Variants in TMF1 observed in about 807,000 individuals in gnomAD.
TMF1 encodes the protein TATA element modulatory factor.
TMF1 carries 71 observed loss-of-function variants against 126.5 expected under a neutral mutation model. The ratio of observed to expected loss-of-function variants is 0.56; its 90% CI spans 0.46 to 0.68. The LOEUF (loss-of-function observed/expected upper bound fraction) is 0.68, where lower values mean the gene tolerates loss of function less well. Ranked by LOEUF, TMF1 falls within the 30% of genes least tolerant of loss-of-function variation. The pLI, the probability that TMF1 is intolerant of heterozygous loss-of-function variation, is 0.00. For missense variants in TMF1, 1,259 were observed against 1,253.2 expected, an observed-to-expected ratio of 1.00 and a Z score of -0.07; for synonymous variants, 461 against 430.5, an observed-to-expected ratio of 1.07 and a Z score of -0.88.
Position 69,038,683 on chromosome 3 carries a change from C to A in TMF1, c.2032G>T (p.Asp678Tyr). The A allele has an allele frequency of 1.9e-6, 3 of 1,613,928 alleles. No homozygotes were observed. In the South Asian group the frequency reaches 3.3e-5, roughly 18 times the overall value. The change falls in exon 8 of 17, where the codon GAT becomes TAT. Residue 678 changes from aspartate to tyrosine, a missense_variant. Asp to Tyr is a radical substitution (Grantham distance 160, BLOSUM62 -3). Transcript: ENST00000398559. The part of the protein sequence containing the change: ...TDLHKANAAK[D>Y]SEAQEAALSR... The stretch of plus-strand genomic sequence containing the variant: ...AGAGCAGCTTCCTGTGCCTCACTAT[C>A]CTTTGCAGCATTGGCTTTGTGAAGA...
intron 6 of TMF1, 23 bp downstream of exon 6, chr3:69,039,528 A>G: frequency 6.2e-7 from 1 of 1,603,564 alleles, no homozygotes; most frequent in Non-Finnish European, 8.5e-7. Context: ...ATATATATGT[A>G]GAGAATTATG....
In TMF1 at chr3:69,021,647, T is replaced by C. The variant is rs1017516959; in HGVS notation, c.*1530A>G. On this transcript the variant is annotated 3_prime_UTR_variant, in exon 17 of 17. Coordinates refer to ENST00000398559, the MANE Select transcript of TMF1 (RefSeq NM_007114.3). ...TACTTGTATCTATATTCTGAAGTAC[T>C]AGTGTTTTAATTTTAACTAAAAATT... is the stretch of plus-strand genomic sequence containing the variant. 4 of 151,970 alleles carry C rather than the reference T, an allele frequency of 2.6e-5. No individual in the cohort carries two copies. The highest frequency in any genetic ancestry group is 5.9e-5 in the Non-Finnish European group (4 of 67,988). 9.4% of individuals were successfully genotyped at this position (151,970 alleles called of 1,614,324 possible).
chr3:69,028,169 T>C, intron 12 of TMF1, 57 bp downstream of exon 12: 1 of 1,462,266 alleles, frequency 6.8e-7, no homozygotes, highest in Non-Finnish European at 9.5e-7. Flanking sequence ...TTTGCTGCCA[T>C]CCCCAACCAT....
At chr3:69,026,118 C>A in intron 13 of TMF1, 21 bp from the exon 14 acceptor site, 1 of 1,536,248 alleles carries the variant, frequency 6.5e-7, no homozygotes, top group Non-Finnish European at 9.0e-7. Context: ...AAAAAAAATT[C>A]TGTTCATATT....
chr3:69,033,517 C>T (rs1473788919), intron 10 of TMF1, 31 bp downstream of exon 10: 1 of 1,593,950 alleles, frequency 6.3e-7, no homozygotes, highest in Non-Finnish European at 8.5e-7. Flanking sequence ...GGAAGAGCTT[C>T]TGCATCGAGC....
chr3:69,048,048 T>C lies in TMF1; in HGVS notation c.657A>G (p.Thr219=), dbSNP rs779497960. 4 of 1,614,124 alleles carry C rather than the reference T, an allele frequency of 2.5e-6. No homozygotes were observed. The highest frequency in any genetic ancestry group is 2.2e-5 in the South Asian group (2 of 91,090). Residue 219 remains threonine (T), a synonymous_variant, in exon 2 of 17, where the codon ACA becomes ACG. Coordinates refer to ENST00000398559, the MANE Select transcript of TMF1 (RefSeq NM_007114.3). ...CCAAAGCTATGTCCTTTGTTTCTGC[T>C]GTGAGAGACTGCGTAGACGTATTAG... ...SISNTSTQSL[T]AETKDIALEP...
At chr3:69,036,453 T>C (rs1350746138) in intron 8 of TMF1, among the ~76,000 whole-genome samples, 15 of 152,270 alleles carry the variant, frequency 9.9e-5, no homozygotes, top group Admixed American at 2.0e-4. Flanking sequence ...CTGTCATTTA[T>C]GTAAAAAGGA....
intron 6 of TMF1, 34 bp downstream of exon 6, chr3:69,039,517 A>G: frequency 6.3e-7 from 1 of 1,596,084 alleles, no homozygotes; most frequent in Non-Finnish European, 8.5e-7. Flanking sequence ...AAGTAATAAC[A>G]ATATATATGT....
At chr3:69,026,280 AT>A (rs2091766854) in intron 13 of TMF1, among the ~76,000 whole-genome samples, 183 bp from the exon 14 acceptor site, 1 of 152,216 alleles carries the variant, frequency 6.6e-6, no homozygotes, top group African/African-American at 2.4e-5. Flanking sequence ...TAATTTCCCC[AT>A]AAAATGGCTT....
intron 9 of TMF1, among the ~76,000 whole-genome samples, chr3:69,034,551 G>C (rs1408655449): frequency 1.3e-5 from 2 of 152,126 alleles, no homozygotes; most frequent in Non-Finnish European, 2.9e-5. Flanking sequence ...ATTACCTGAA[G>C]GTTAAAAAAG....
chr3:69,028,488 G>A (rs887801809), intron 11 of TMF1, among the ~76,000 whole-genome samples, 193 bp from the exon 12 acceptor site: 18 of 152,158 alleles, frequency 1.2e-4, no homozygotes, highest in African/African-American at 4.3e-4. Context: ...AACCAAAAGT[G>A]AAAAAGCTCC....
At chr3:69,043,061 AACTAAG>A (rs2091876734) in intron 4 of TMF1, 149 bp from the exon 5 acceptor site, 2 of 573,878 alleles carry the variant, frequency 3.5e-6, no homozygotes, top group Non-Finnish European at 6.0e-6. Context: ...TACCTTGGTT[AACTAAG>A]ACTAAGAAAA....
rs1481300858 is a variant in TMF1, at chr3:69,052,255, C to G, written c.-169G>C. 6.0e-6 allele frequency: 4 copies of G among 666,574 alleles called. No individual in the cohort carries two copies. The highest frequency in any genetic ancestry group is 9.5e-6 in the Non-Finnish European group (4 of 421,434). 41.3% of individuals were successfully genotyped at this position (666,574 alleles called of 1,614,324 possible). On this transcript the variant is annotated 5_prime_UTR_variant, in exon 1 of 17. Transcript: ENST00000398559. ...GCGAGCCCGGGATGTTACCCTCGGC[C>G]GTTCCCGCACAGCTGAGACGAAGGG...
intron 3 of TMF1, 57 bp downstream of exon 3, chr3:69,044,435 A>T (rs1488510910): frequency 2.1e-6 from 2 of 942,014 alleles, no homozygotes; most frequent in African/African-American, 1.7e-5. Context: ...AAATATGTAC[A>T]AAGTATACAG....
At chr3:69,049,229 C>G (rs1438229376) in intron 1 of TMF1, among the ~76,000 whole-genome samples, 1 of 152,148 alleles carries the variant, frequency 6.6e-6, no homozygotes, top group Non-Finnish European at 1.5e-5. Flanking sequence ...TTTTAATTAG[C>G]TGGGCCTGGT....
At chr3:69,046,239 C>G (rs2091895165) in intron 2 of TMF1, among the ~76,000 whole-genome samples, 1 of 152,074 alleles carries the variant, frequency 6.6e-6, no homozygotes, top group African/African-American at 2.4e-5. Context: ...TTAGGTCCTA[C>G]TCAAATGGTG....
rs1284052359 is a variant in TMF1, at chr3:69,020,956, G to A, written c.*2221C>T. On this transcript the variant is annotated 3_prime_UTR_variant, in exon 17 of 17. Transcript: ENST00000398559. Reference sequence around the variant, plus strand: ...AGGGACTATTTTATAATTCCAAAACGTCTAGTTTCAAATGCTTCAGAGAAT... The same window carrying A: ...AGGGACTATTTTATAATTCCAAAACATCTAGTTTCAAATGCTTCAGAGAAT... 4 of 152,056 alleles carry A rather than the reference G, an allele frequency of 2.6e-5. No individual in the cohort carries two copies. In the East Asian group the frequency reaches 7.7e-4, roughly 29 times the overall value. The allele number at this position is 152,056 out of a possible 1,614,324, so 9.4% of individuals were successfully genotyped here. A position where few individuals can be genotyped will look rare whatever the true frequency, so the allele number is the denominator to read the frequency against.
chr3:69,027,567 A>G (rs1465486833), intron 13 of TMF1, among the ~76,000 whole-genome samples: 1 of 152,198 alleles, frequency 6.6e-6, no homozygotes, highest in East Asian at 1.9e-4. Flanking sequence ...GACATTAAAA[A>G]AATGATACTT....
rs779847595 is a variant in TMF1 at position 69,048,032 on chromosome 3, T to C, written c.673A>G (p.Ile225Val). ...TTTTGTTCCTTAGGTTCCAAAGCTA[T>C]GTCCTTTGTTTCTGCTGTGAGAGAC... The part of the protein sequence containing the change: ...TQSLTAETKD[I>V]ALEPKEQKHE... Residue 225 changes from isoleucine to valine, a missense_variant, in exon 2 of 17, where the codon ATA becomes GTA. Coordinates refer to ENST00000398559, the MANE Select transcript of TMF1 (RefSeq NM_007114.3). 19 of 1,613,954 alleles carry C rather than the reference T, an allele frequency of 1.2e-5. No homozygotes were observed. The highest frequency in any genetic ancestry group is 1.6e-4 in the Middle Eastern group (1 of 6,084).
Sources: allele counts gnomAD v4.1 joint callset (sites outside exome capture counted in the v4.1 genomes callset), GRCh38; gene constraint gnomAD v4.1.1; transcripts MANE v1.5; gene names NCBI Gene and HGNC (gene_info 2026-07-23, HGNC 2026-07-21).